PRKN: variants seen among roughly 807,000 people sequenced by gnomAD.
The protein encoded by PRKN is E3 ubiquitin-protein ligase parkin.
Under a neutral mutation model 59.5 loss-of-function variants are expected in PRKN, and 56 were observed. The observed-to-expected ratio is 0.94, with a 90% CI of 0.76 to 1.18. The LOEUF is 1.18. PRKN is among the 50% of genes most tolerant of loss of function. The pLI, the probability that PRKN is intolerant of heterozygous loss-of-function variation, is 0.00. For missense variants in PRKN, 657 were observed against 596.4 expected (o/e 1.10, Z -1.06); for synonymous variants, 250 against 222.1 (o/e 1.13, Z -1.12).
At chr6:162,552,687 G>C (rs544301581) in intron 1 of PRKN, among the ~76,000 whole-genome samples, 10 of 152,074 alleles carry the variant, frequency 6.6e-5, no homozygotes, top group Non-Finnish European at 1.5e-4. Flanking sequence ...CGGGAGTGCT[G>C]AGAGGAGAGC....
At chr6:161,776,977 A>T (rs1027899589) in intron 7 of PRKN, among the ~76,000 whole-genome samples, 1 of 152,232 alleles carries the variant, frequency 6.6e-6, no homozygotes, top group African/African-American at 2.4e-5. Flanking sequence ...TAGAACTTTC[A>T]AAGGTATGAT....
chr6:162,482,617 A>G (rs1430911134), intron 1 of PRKN, among the ~76,000 whole-genome samples: 1 of 152,248 alleles, frequency 6.6e-6, no homozygotes, highest in Non-Finnish European at 1.5e-5. Context: ...TTGGTTATCC[A>G]TAATTTTTTA....
chr6:161,729,610 T>C (rs139063954), intron 7 of PRKN, among the ~76,000 whole-genome samples: 118 of 152,332 alleles, frequency 7.7e-4, no homozygotes, highest in African/African-American at 2.7e-3. Flanking sequence ...ACCTGACTCA[T>C]TGAGATGTCT....
chr6:161,957,475 A>AGT (rs554951188), intron 6 of PRKN, among the ~76,000 whole-genome samples: 62 of 147,650 alleles, frequency 4.2e-4, no homozygotes, highest in African/African-American at 1.5e-3. Flanking sequence ...ATCAGGCTGA[A>AGT]GTGCAGTGGC....
chr6:161,560,171 T>C lies in PRKN; in HGVS notation c.933+9184A>G, dbSNP rs1328165219. On this transcript the variant is annotated intron_variant, in intron 8 of 11. Coordinates refer to ENST00000366898, the MANE Select transcript of PRKN (RefSeq NM_004562.3). This position sits in a 1 kb window ranked among gnomAD's most constrained non-coding sequence, Gnocchi z 4.9. ...CCCTCTCTCCTAAGCCTTTTTTCTG[T>C]GTCCCCTGAAATTCCTGTTCATGAT... 1.3e-5 allele frequency among the ~76,000 whole-genome samples: 2 copies of C among 152,174 alleles called. No individual in the cohort carries two copies. Among genetic ancestry groups the C allele is most frequent in the Non-Finnish European group, 2.9e-5 (2 of 68,030 alleles).
intron 7 of PRKN, among the ~76,000 whole-genome samples, chr6:161,767,553 A>G (rs1789483893): frequency 6.6e-6 from 1 of 152,170 alleles, no homozygotes; most frequent in Non-Finnish European, 1.5e-5. Flanking sequence ...GCATGGCAGA[A>G]AAAAGAACGC....
chr6:161,401,124 T>C lies in PRKN; in HGVS notation c.1084-14247A>G, dbSNP rs1481598295. ...GCCTGGTGTTATTGCAGTCTCTTAA[T>C]TTAGCCAACAAAGAAGGTTGGCTCA... On this transcript the variant is annotated intron_variant, in intron 9 of 11. Coordinates refer to ENST00000366898, the MANE Select transcript of PRKN (RefSeq NM_004562.3). This position sits in a 1 kb window ranked among gnomAD's most constrained non-coding sequence, Gnocchi z 4.4. Among the ~76,000 whole-genome samples, 1 of 152,188 alleles carries C rather than the reference T, an allele frequency of 6.6e-6. No individual in the cohort carries two copies. Among genetic ancestry groups the C allele is most frequent in the Non-Finnish European group, 1.5e-5 (1 of 68,040 alleles).
intron 1 of PRKN, among the ~76,000 whole-genome samples, chr6:162,684,846 T>C (rs1473990983): frequency 6.6e-6 from 1 of 152,162 alleles, no homozygotes; most frequent in African/African-American, 2.4e-5. Context: ...CAAACAGATC[T>C]GTAAAATATA....
rs186204974 is a variant in PRKN at position 162,111,663 on chromosome 6, C to T, written c.535-57489G>A. Reference sequence around the variant, plus strand: ...AAATGGTGCATAGAGTAAATCACTGCGGTACTGTACTAGTCTTTCAAGTTT... The same window carrying T: ...AAATGGTGCATAGAGTAAATCACTGTGGTACTGTACTAGTCTTTCAAGTTT... On this transcript the variant is annotated intron_variant, in intron 4 of 11. Coordinates refer to ENST00000366898, the MANE Select transcript of PRKN (RefSeq NM_004562.3). 3.9e-3 allele frequency among the ~76,000 whole-genome samples: 585 copies of T among 151,244 alleles called. 5 individuals carry two copies. The highest frequency in any genetic ancestry group is 0.013 in the African/African-American group (546 of 41,100).
intron 7 of PRKN, among the ~76,000 whole-genome samples, chr6:161,646,430 C>T (rs1188985430): frequency 8.6e-6 from 1 of 116,720 alleles, no homozygotes; most frequent in South Asian, 3.0e-4. Context: ...GTGGTCACTG[C>T]GTGTGCGTGC....
chr6:162,151,205 C>T (rs575358387), intron 4 of PRKN, among the ~76,000 whole-genome samples: 1 of 152,300 alleles, frequency 6.6e-6, no homozygotes, highest in South Asian at 2.1e-4. Flanking sequence ...TCTCCACACT[C>T]GTAAGTGGGT....
At chr6:161,978,031 GTATTTTATTT>G (rs530789978) in intron 5 of PRKN, among the ~76,000 whole-genome samples, 1,609 of 128,512 alleles carry the variant, frequency 0.013, 14 homozygotes, top group Middle Eastern at 0.025. Context: ...TTATTTTATT[GTATTTTATTT>G]TATTTTATTT....
intron 1 of PRKN, among the ~76,000 whole-genome samples, chr6:162,684,239 G>T (rs985191621): frequency 1.3e-5 from 2 of 151,986 alleles, no homozygotes; most frequent in Non-Finnish European, 2.9e-5. Context: ...AGTATGCCAA[G>T]ATCCTCTGAT....
intron 9 of PRKN, among the ~76,000 whole-genome samples, chr6:161,531,815 C>T (rs1295962917): frequency 1.3e-5 from 2 of 152,014 alleles, no homozygotes; most frequent in Admixed American, 1.3e-4. Context: ...CGTCTATTAT[C>T]CAGGCTTGGG....
chr6:161,464,352 A>T (rs565416991), intron 9 of PRKN, among the ~76,000 whole-genome samples: 1 of 152,336 alleles, frequency 6.6e-6, no homozygotes, highest in African/African-American at 2.4e-5. Context: ...GGGAAAACTG[A>T]TGGAGTTGGC....
chr6:161,487,769 C>T lies in PRKN; in HGVS notation c.1083+61085G>A, dbSNP rs1044914750. Among the ~76,000 whole-genome samples the T allele has an allele frequency of 6.6e-6, 1 of 152,166 alleles. No homozygotes were observed. The highest frequency in any genetic ancestry group is 1.5e-5 in the Non-Finnish European group (1 of 68,032). The stretch of plus-strand genomic sequence containing the variant: ...GAGGCACCATGCTCATTGCTTTGGG[C>T]ATACCCTGCCTCCAGCATGAAGTCT... On this transcript the variant is annotated intron_variant, in intron 9 of 11. Coordinates refer to ENST00000366898, the MANE Select transcript of PRKN (RefSeq NM_004562.3). This position sits in a 1 kb window ranked among gnomAD's most constrained non-coding sequence, Gnocchi z 5.3.
At chr6:162,574,620 A>G (rs942572264) in intron 1 of PRKN, among the ~76,000 whole-genome samples, 2 of 152,168 alleles carry the variant, frequency 1.3e-5, no homozygotes, top group Non-Finnish European at 2.9e-5. Flanking sequence ...AATTCTCAAA[A>G]TAGGATGGCC....
chr6:161,363,978 T>G lies in PRKN; in HGVS notation c.1168-3773A>C, dbSNP rs1785085296. Among the ~76,000 whole-genome samples the G allele has an allele frequency of 6.6e-6, 1 of 151,718 alleles. No homozygotes were observed. The highest frequency in any genetic ancestry group is 2.4e-5 in the African/African-American group (1 of 41,274). ...ATTGAGACCATCCTGGCTAACATGCTGAAACCCCATCTCTACTAAAAATAC... is the reference window on the plus strand; with the variant it reads ...ATTGAGACCATCCTGGCTAACATGCGGAAACCCCATCTCTACTAAAAATAC... On this transcript the variant is annotated intron_variant, in intron 10 of 11. Transcript: ENST00000366898. This position sits in a 1 kb window ranked among gnomAD's most constrained non-coding sequence, Gnocchi z 4.1.
chr6:161,440,460 G>A lies in PRKN; in HGVS notation c.1084-53583C>T, dbSNP rs1309725301. 2.0e-5 allele frequency among the ~76,000 whole-genome samples: 3 copies of A among 152,148 alleles called. No homozygotes were observed. Among genetic ancestry groups the A allele is most frequent in the African/African-American group, 7.2e-5 (3 of 41,432 alleles). The stretch of plus-strand genomic sequence containing the variant: ...TATCAAGAATGCTGACACGGAGGTT[G>A]AGAAGCCTGGCATTTCCCCATTGCT... On this transcript the variant is annotated intron_variant, in intron 9 of 11. Transcript: ENST00000366898. The surrounding 1 kb of genome is among the most constrained non-coding windows in gnomAD (Gnocchi z 4.1).
Sources: gnomAD v4.1 joint callset for allele counts (sites outside exome capture counted in the v4.1 genomes callset) on GRCh38, gnomAD v4.1.1 for gene constraint, Gnocchi (gnomAD v3.1) non-coding constraint, MANE v1.5 for transcripts, NCBI Gene and HGNC (gene_info 2026-07-23, HGNC 2026-07-21) for gene names.